Variants in RANBP2 observed in about 807,000 individuals in gnomAD.
RANBP2 encodes RAN binding protein 2.
RANBP2 carries 57 observed loss-of-function variants against 303.6 expected under a neutral mutation model. The observed-to-expected ratio is 0.19, with a 90% CI of 0.15 to 0.23. RANBP2 has a LOEUF of 0.23. Ranked by LOEUF, RANBP2 falls within the 10% of genes least tolerant of loss-of-function variation. RANBP2 has a pLI of 1.00. For synonymous variants in RANBP2, 1,167 were observed against 1,301.5 expected (o/e 0.90, Z 2.23); for missense variants, 3,138 against 3,780.8 (o/e 0.83, Z 4.46).
At chr2:108,947,356 G>A in the RANBP2 span, among the ~76,000 whole-genome samples, 27 of 152,230 alleles carry the variant, frequency 1.8e-4, no homozygotes, top group African/African-American at 2.6e-4. Context: ...GCAAGCTGTC[G>A]GTGGATCTAC....
chr2:109,422,138 C>G, the RANBP2 span, among the ~76,000 whole-genome samples: 1 of 152,178 alleles, frequency 6.6e-6, no homozygotes, highest in South Asian at 2.1e-4. Context: ...CTCTGTAAGT[C>G]ACGTTCAGAA....
At chr2:108,853,388 A>ATT in the RANBP2 span, among the ~76,000 whole-genome samples, 13 of 152,182 alleles carry the variant, frequency 8.5e-5, no homozygotes, top group Non-Finnish European at 1.6e-4. Flanking sequence ...GTCATTAACA[A>ATT]TAAGTATGGA....
the RANBP2 span, among the ~76,000 whole-genome samples, chr2:108,886,779 G>A: frequency 6.6e-6 from 1 of 152,032 alleles, no homozygotes; most frequent in Non-Finnish European, 1.5e-5. Flanking sequence ...AGTTCCTTGT[G>A]TATTCAGAAA....
the RANBP2 span, among the ~76,000 whole-genome samples, chr2:109,472,818 C>T: frequency 1.3e-5 from 2 of 152,180 alleles, no homozygotes; most frequent in Non-Finnish European, 2.9e-5. Flanking sequence ...GGAAATCCAA[C>T]ACACAGCAAA....
chr2:109,086,297 C>T, the RANBP2 span, among the ~76,000 whole-genome samples: 2 of 152,152 alleles, frequency 1.3e-5, no homozygotes, highest in Admixed American at 1.3e-4. Context: ...ATTGTAAAGG[C>T]ACTTGTTCAT....
At chr2:109,325,049 TTG>T in the RANBP2 span, among the ~76,000 whole-genome samples, 55,921 of 151,970 alleles carry the variant, frequency 0.37, 11,851 homozygotes, top group Non-Finnish European at 0.48. Flanking sequence ...TGTGTGGTTT[TTG>T]TGTCTTGTTT....
chr2:109,374,304 A>C, the RANBP2 span, among the ~76,000 whole-genome samples: 1 of 152,326 alleles, frequency 6.6e-6, no homozygotes, highest in African/African-American at 2.4e-5. Flanking sequence ...TCCACGCCAC[A>C]CACCCATAGC....
chr2:109,637,889 C>T, the RANBP2 span, among the ~76,000 whole-genome samples: 4 of 152,106 alleles, frequency 2.6e-5, no homozygotes, highest in South Asian at 2.1e-4. Flanking sequence ...ACCCGGGAGG[C>T]GGAGGTTGCA....
the RANBP2 span, among the ~76,000 whole-genome samples, chr2:109,409,261 TCTC>T: frequency 3.9e-5 from 6 of 152,174 alleles, no homozygotes; most frequent in African/African-American, 1.4e-4. Flanking sequence ...AGGTTCATCT[TCTC>T]ATCATAGACA....
the RANBP2 span, among the ~76,000 whole-genome samples, chr2:109,096,519 T>C: frequency 2.6e-5 from 4 of 152,206 alleles, no homozygotes; most frequent in African/African-American, 7.2e-5. Context: ...AAGATGGTTT[T>C]ATAATCAGTT....
the RANBP2 span, among the ~76,000 whole-genome samples, chr2:108,855,307 A>G: frequency 1.3e-5 from 2 of 152,200 alleles, no homozygotes; most frequent in African/African-American, 2.4e-5. Flanking sequence ...AAAGAATACC[A>G]TATAGTAGTC....
the RANBP2 span, among the ~76,000 whole-genome samples, chr2:109,436,331 GTGAGCTGATGT>G: frequency 6.6e-6 from 1 of 152,202 alleles, no homozygotes; most frequent in Non-Finnish European, 1.5e-5. Context: ...TTCCTCTTGT[GTGAGCTGATGT>G]CATCTGGAAA....
the RANBP2 span, among the ~76,000 whole-genome samples, chr2:109,317,635 A>G: frequency 6.6e-6 from 1 of 152,170 alleles, no homozygotes; most frequent in African/African-American, 2.4e-5. Context: ...GGCCTGGAAA[A>G]AGAGAACTGG....
the RANBP2 span, among the ~76,000 whole-genome samples, chr2:109,667,595 G>A: frequency 1.3e-5 from 2 of 152,150 alleles, no homozygotes; most frequent in East Asian, 3.9e-4. Context: ...AAAGGTAAAT[G>A]TGCTCACACC....
the RANBP2 span, among the ~76,000 whole-genome samples, chr2:109,183,630 A>T: frequency 6.6e-6 from 1 of 152,100 alleles, no homozygotes; most frequent in East Asian, 1.9e-4. Flanking sequence ...AACTTCTTTT[A>T]TCCTGCCCGT....
the RANBP2 span, among the ~76,000 whole-genome samples, chr2:109,021,467 G>A: frequency 6.6e-6 from 1 of 151,122 alleles, no homozygotes; most frequent in African/African-American, 2.4e-5. Flanking sequence ...AGCTTTCAGT[G>A]AGCCGAGATG....
the RANBP2 span, among the ~76,000 whole-genome samples, chr2:109,722,928 C>T: frequency 9.9e-4 from 151 of 152,256 alleles, 3 homozygotes; most frequent in Middle Eastern, 0.027. Flanking sequence ...CTGTAGTGAA[C>T]ATACAGTCAT....
the RANBP2 span, among the ~76,000 whole-genome samples, chr2:109,368,775 CT>C: frequency 6.7e-6 from 1 of 150,058 alleles, no homozygotes; most frequent in African/African-American, 2.4e-5. Context: ...GCATTTTCTT[CT>C]TTTTGTTTTT....
the RANBP2 span, among the ~76,000 whole-genome samples, chr2:109,697,483 C>CT: frequency 1.6e-5 from 2 of 124,288 alleles, no homozygotes; most frequent in East Asian, 2.4e-4. Context: ...AAAACTCTGT[C>CT]TTAAAAAAAA....
Sources: allele counts gnomAD v4.1 joint callset (sites outside exome capture counted in the v4.1 genomes callset), GRCh38; gene constraint gnomAD v4.1.1; transcripts MANE v1.5; gene names NCBI Gene and HGNC (gene_info 2026-07-23, HGNC 2026-07-21).